The following NLGN1 variants were observed in gnomAD, a reference collection of about 807,000 sequenced individuals.
The protein encoded by NLGN1 is neuroligin-1.
NLGN1 carries 12 observed loss-of-function variants against 65.5 expected under a neutral mutation model. The ratio of observed to expected loss-of-function variants is 0.18; its 90% CI spans 0.12 to 0.30. The LOEUF is 0.30. Among genes scored for constraint, NLGN1 ranks in the 10% least tolerant of loss-of-function variants. NLGN1 has a pLI of 1.00. For missense variants in NLGN1, 750 were observed against 1,007.1 expected (o/e 0.74, Z 3.46); for synonymous variants, 350 against 359.5 (o/e 0.97, Z 0.30).
intron 4 of NLGN1, among the ~76,000 whole-genome samples, chr3:174,117,271 C>A (rs1340433828): frequency 2.0e-5 from 3 of 150,860 alleles, no homozygotes; most frequent in Non-Finnish European, 2.9e-5. Flanking sequence ...GAGAGTAGAT[C>A]AATGTTTCTT....
intron 3 of NLGN1, among the ~76,000 whole-genome samples, chr3:173,732,983 G>T (rs190355421): frequency 9.2e-5 from 14 of 151,944 alleles, no homozygotes; most frequent in Non-Finnish European, 1.8e-4. Flanking sequence ...ATACAAATAT[G>T]GTATGTACAG....
At chr3:174,099,904 T>G (rs1200499214) in intron 4 of NLGN1, among the ~76,000 whole-genome samples, 10 of 152,132 alleles carry the variant, frequency 6.6e-5, no homozygotes, top group African/African-American at 2.2e-4. Context: ...AGGATGCAGT[T>G]CTGATGTGTT....
rs1325282850 is a variant in NLGN1 at position 174,280,493 on chromosome 3, A to G, written c.1662A>G (p.Gln554=). Residue 554 remains glutamine, a synonymous_variant, in exon 7 of 7, where the codon CAA becomes CAG. Coordinates refer to ENST00000457714, the Ensembl canonical transcript of NLGN1. The surrounding 1 kb of genome is among the most constrained non-coding windows in gnomAD (Gnocchi z 4.9). ...TTTTCCTTCTTAGTGACCCAAATCA[A>G]CCAGTCCCTCAAGACACGAAATTCA... 15 of 1,600,668 alleles carry G rather than the reference A, an allele frequency of 9.4e-6. No individual in the cohort carries two copies. Among genetic ancestry groups the G allele is most frequent in the Non-Finnish European group, 1.3e-5 (15 of 1,174,476 alleles).
chr3:173,756,160 T>G (rs1400284199), intron 3 of NLGN1, among the ~76,000 whole-genome samples: 2 of 148,414 alleles, frequency 1.3e-5, no homozygotes, highest in African/African-American at 4.9e-5. Context: ...ACATTTTTTT[T>G]GTATCCAATA....
chr3:173,705,443 G>A (rs1767903299), intron 3 of NLGN1, among the ~76,000 whole-genome samples: 1 of 152,170 alleles, frequency 6.6e-6, no homozygotes, highest in Admixed American at 6.5e-5. Context: ...TTACCTGGCA[G>A]ATTGCCTTCT....
intron 2 of NLGN1, among the ~76,000 whole-genome samples, chr3:173,508,467 G>A (rs1266083506): frequency 2.6e-5 from 4 of 152,124 alleles, no homozygotes; most frequent in Non-Finnish European, 5.9e-5. Flanking sequence ...AGGCTTTCCT[G>A]TGTAATCTTC....
intron 2 of NLGN1, among the ~76,000 whole-genome samples, chr3:173,553,237 G>A (rs555210385): frequency 2.0e-4 from 30 of 152,210 alleles, no homozygotes; most frequent in African/African-American, 7.0e-4. Context: ...ATAACTAATT[G>A]CCTGTGAATA....
At chr3:173,997,862 G>T (rs1351524354) in intron 4 of NLGN1, among the ~76,000 whole-genome samples, 1 of 151,898 alleles carries the variant, frequency 6.6e-6, no homozygotes, top group Non-Finnish European at 1.5e-5. Context: ...CTAGTATTTT[G>T]GTTCTAGTAT....
At chr3:174,163,548 A>G (rs925802491) in intron 4 of NLGN1, among the ~76,000 whole-genome samples, 1 of 152,000 alleles carries the variant, frequency 6.6e-6, no homozygotes, top group Non-Finnish European at 1.5e-5. Flanking sequence ...TACTGAGCAT[A>G]GTACCCAACA....
intron 3 of NLGN1, among the ~76,000 whole-genome samples, chr3:173,637,587 C>T (rs558862844): frequency 6.6e-6 from 1 of 152,236 alleles, no homozygotes; most frequent in Non-Finnish European, 1.5e-5. Flanking sequence ...TTGTATGACT[C>T]TTAATTGCTT....
intron 4 of NLGN1, among the ~76,000 whole-genome samples, chr3:173,850,863 C>T (rs368442858): frequency 6.6e-6 from 1 of 151,762 alleles, no homozygotes; most frequent in African/African-American, 2.4e-5. Context: ...CAGCCTCCTG[C>T]GTAGCTGGGA....
intron 4 of NLGN1, among the ~76,000 whole-genome samples, chr3:174,137,888 A>G (rs1721506427): frequency 1.3e-5 from 2 of 152,294 alleles, no homozygotes; most frequent in South Asian, 2.1e-4. Flanking sequence ...ATTTGCACAT[A>G]TGGTGCCTAA....
intron 4 of NLGN1, among the ~76,000 whole-genome samples, chr3:173,936,862 G>A (rs1491702): frequency 0.25 from 37,970 of 151,850 alleles, 5,312 homozygotes; most frequent in African/African-American, 0.36. Flanking sequence ...TGAATTGACA[G>A]TGGTTTTATT....
At chr3:173,986,825 A>G (rs1157723621) in intron 4 of NLGN1, among the ~76,000 whole-genome samples, 1 of 152,184 alleles carries the variant, frequency 6.6e-6, no homozygotes, top group East Asian at 1.9e-4. Flanking sequence ...GGGACACGAC[A>G]GAGCAGGACA....
intron 4 of NLGN1, among the ~76,000 whole-genome samples, chr3:173,915,817 C>A (rs1740618436): frequency 6.6e-6 from 1 of 151,570 alleles, no homozygotes; most frequent in African/African-American, 2.4e-5. Context: ...TTTTTGTCTT[C>A]TTTTATTTTC....
chr3:174,081,715 ACATGT>A (rs1186475876), intron 4 of NLGN1, among the ~76,000 whole-genome samples: 5 of 151,122 alleles, frequency 3.3e-5, no homozygotes, highest in Non-Finnish European at 5.9e-5. Flanking sequence ...GGGATTACAG[ACATGT>A]GCCACCACGT....
At chr3:173,426,666 G>C (rs1716169588) in intron 1 of NLGN1, among the ~76,000 whole-genome samples, 2 of 151,914 alleles carry the variant, frequency 1.3e-5, no homozygotes, top group South Asian at 4.1e-4. Context: ...TTGCATCCCT[G>C]GGATAAATCT....
intron 4 of NLGN1, among the ~76,000 whole-genome samples, chr3:174,171,443 A>C (rs1728507657): frequency 6.6e-6 from 1 of 152,186 alleles, no homozygotes; most frequent in African/African-American, 2.4e-5. Context: ...TGCTCGTTAA[A>C]AATAAGTAGT....
At chr3:173,608,565 C>G (rs1751757801) in intron 3 of NLGN1, among the ~76,000 whole-genome samples, 1 of 151,838 alleles carries the variant, frequency 6.6e-6, no homozygotes, top group South Asian at 2.1e-4. Flanking sequence ...CTCTATTTTA[C>G]AAGTAAGAAG....
Sources: gnomAD v4.1 joint callset for allele counts (sites outside exome capture counted in the v4.1 genomes callset) on GRCh38, gnomAD v4.1.1 for gene constraint, Gnocchi (gnomAD v3.1) non-coding constraint, MANE v1.5 for transcripts, NCBI Gene and HGNC (gene_info 2026-07-23, HGNC 2026-07-21) for gene names.